SPICE1: variants seen among roughly 807,000 people sequenced by gnomAD.
SPICE1 encodes spindle and centriole associated protein 1.
A neutral mutation model predicts 102.7 loss-of-function variants in SPICE1; 75 were observed. That is an observed-to-expected ratio of 0.73 (90% CI 0.61 to 0.88). The LOEUF (loss-of-function observed/expected upper bound fraction) is 0.88, where lower values mean the gene tolerates loss of function less well. Among genes scored for constraint, SPICE1 ranks in the 40% least tolerant of loss-of-function variants. The probability of loss-of-function intolerance (pLI) is 0.00; values close to 1 mark genes in which losing one functional copy is unlikely to be tolerated. For missense variants in SPICE1, 979 were observed against 1,020.1 expected (o/e 0.96, Z 0.55); for synonymous variants, 308 against 350.3 (o/e 0.88, Z 1.35).
At chr3:113,457,827 T>G (rs1935815845) in intron 12 of SPICE1, among the ~76,000 whole-genome samples, 1 of 152,154 alleles carries the variant, frequency 6.6e-6, no homozygotes, top group South Asian at 2.1e-4. Flanking sequence ...CCCAGCTAAT[T>G]TTTTGTATTC....
At chr3:113,468,105 TGAAAA>T (rs3839081) in intron 10 of SPICE1, 29 bp downstream of exon 10, 36,140 of 1,570,024 alleles carry the variant, frequency 0.023, 518 homozygotes, top group East Asian at 0.063. Context: ...CATTTCTGCC[TGAAAA>T]GAAGACTCTA....
intron 16 of SPICE1, 34 bp downstream of exon 16, chr3:113,448,004 T>A (rs760151751): frequency 2.6e-6 from 4 of 1,551,976 alleles, no homozygotes. Flanking sequence ...TTTTTGATTT[T>A]TTTTTTTAAA....
Position 113,457,080 on chromosome 3 carries a change from T to C in SPICE1, c.1657+56A>G, listed in dbSNP as rs139038327. The C allele has an allele frequency of 2.0e-4, 297 of 1,520,240 alleles. No individual in the cohort carries two copies. In the East Asian group the frequency reaches 5.7e-3, roughly 29 times the overall value. The allele number at this position is 1,520,240 out of a possible 1,614,324, so 94.2% of individuals were successfully genotyped here. ...TTCATGTAATGGTGAAAGTAATACA[T>C]TGCACAAATGAAACATTAAAAAACA... On this transcript the variant is annotated intron_variant, in intron 13 of 17. Coordinates refer to ENST00000295872, the MANE Select transcript of SPICE1 (RefSeq NM_144718.4).
rs1372182493 is a variant in SPICE1, at chr3:113,453,950, A to G, written c.1658T>C (p.Val553Ala). The G allele has an allele frequency of 6.3e-7, 1 of 1,588,698 alleles. No individual in the cohort carries two copies. The highest frequency in any genetic ancestry group is 1.1e-5 in the South Asian group (1 of 87,386). The change falls in exon 14 of 18, where the codon GTA (valine) becomes GCA (alanine). Residue 553 changes from valine (V) to alanine (A), a missense_variant and splice_region_variant. Coordinates refer to ENST00000295872, the MANE Select transcript of SPICE1 (RefSeq NM_144718.4). ...SNLKFSPLQD[V>A]LRRTVQTRPA... is the part of the protein sequence containing the mutation. Reference sequence around the variant, plus strand: ...ACGAGTTTGAACAGTCCTTCTCAATACTATAGATAAGAATTTAAAAATAAC... The same window carrying G: ...ACGAGTTTGAACAGTCCTTCTCAATGCTATAGATAAGAATTTAAAAATAAC...
chr3:113,506,884 G>A (rs761525240), intron 1 of SPICE1, among the ~76,000 whole-genome samples: 3 of 152,158 alleles, frequency 2.0e-5, no homozygotes, highest in Admixed American at 6.5e-5. Flanking sequence ...GCCTAAAGCC[G>A]AGAACTAAGA....
chr3:113,467,464 G>A (rs1422698369), intron 10 of SPICE1, among the ~76,000 whole-genome samples: 1 of 152,002 alleles, frequency 6.6e-6, no homozygotes, highest in Non-Finnish European at 1.5e-5. Flanking sequence ...ACTAATTTTT[G>A]TATTTTTAGT....
intron 7 of SPICE1, among the ~76,000 whole-genome samples, chr3:113,481,405 T>C (rs1559968261): frequency 6.6e-6 from 1 of 151,632 alleles, no homozygotes; most frequent in Admixed American, 6.6e-5. Context: ...AGTAGACTTT[T>C]TTTTTTCTAG....
chr3:113,457,318 A>G lies in SPICE1; in HGVS notation c.1475T>C (p.Met492Thr). Residue 492 changes from methionine (M) to threonine (T), a missense_variant, in exon 13 of 18, where the codon ATG (methionine) becomes ACG (threonine). Coordinates refer to ENST00000295872, the MANE Select transcript of SPICE1 (RefSeq NM_144718.4). Reference protein sequence around the residue: ...VVNANVSVPLMFREEVAEFPQ... With the variant: ...VVNANVSVPLTFREEVAEFPQ... ...GAATTCAGCCACTTCCTCTCTGAAC[A>G]TCAATGGCACTGAGACATTGGCATT... 1.2e-6 allele frequency: 2 copies of G among 1,614,226 alleles called. No homozygotes were observed. Among genetic ancestry groups the G allele is most frequent in the Non-Finnish European group, 1.7e-6 (2 of 1,180,036 alleles).
At chr3:113,460,107 G>A in intron 12 of SPICE1, 1 of 985,386 alleles carries the variant, frequency 1.0e-6, no homozygotes, top group Non-Finnish European at 1.2e-6. Context: ...TCAGCCTATA[G>A]CATATGATGG....
chr3:113,469,135 T>C lies in SPICE1; in HGVS notation c.715A>G (p.Thr239Ala). 6.2e-7 allele frequency: 1 copy of C among 1,613,802 alleles called. No individual in the cohort carries two copies. Among genetic ancestry groups the C allele is most frequent in the Non-Finnish European group, 8.5e-7 (1 of 1,179,868 alleles). The change falls in exon 8 of 18, where the codon ACG becomes GCG. Residue 239 changes from threonine (T) to alanine (A), a missense_variant. Coordinates refer to ENST00000295872, the MANE Select transcript of SPICE1 (RefSeq NM_144718.4). ...ATQSQITPPG[T>A]PSSALSSGEQ... ...CCTGATGAAAGAGCAGATGATGGCG[T>C]TCCTGGAGGAGTTATTTGTGACTGG...
intron 7 of SPICE1, among the ~76,000 whole-genome samples, chr3:113,472,264 TA>T (rs1430767763): frequency 6.6e-6 from 1 of 152,110 alleles, no homozygotes; most frequent in Admixed American, 6.5e-5. Context: ...CTTGCTTAGG[TA>T]AACAAAGCAG....
chr3:113,485,172 G>GTTTTTT (rs1346426484), intron 7 of SPICE1, among the ~76,000 whole-genome samples: 1 of 147,246 alleles, frequency 6.8e-6, no homozygotes, highest in Non-Finnish European at 1.5e-5. Context: ...CAGGAGTTTT[G>GTTTTTT]TTTGTTTTTT....
At chr3:113,468,546 C>T (rs1936118473) in intron 9 of SPICE1, 142 bp from the exon 10 acceptor site, 3 of 1,135,292 alleles carry the variant, frequency 2.6e-6, no homozygotes, top group Non-Finnish European at 3.7e-6. Flanking sequence ...AAAAATTAAA[C>T]AGTTTAAACC....
chr3:113,513,489 T>A (rs200724027), intron 1 of SPICE1, among the ~76,000 whole-genome samples: 15,416 of 152,082 alleles, frequency 0.1, 968 homozygotes, highest in Non-Finnish European at 0.15. Flanking sequence ...CTCCCAAATA[T>A]CACAAATACA....
intron 7 of SPICE1, among the ~76,000 whole-genome samples, chr3:113,474,114 A>G (rs1278805971): frequency 6.6e-6 from 1 of 151,568 alleles, no homozygotes; most frequent in Non-Finnish European, 1.5e-5. Flanking sequence ...AATGGAAAAC[A>G]AAAAAAGGCA....
intron 7 of SPICE1, among the ~76,000 whole-genome samples, chr3:113,484,208 T>C (rs1016488204): frequency 6.6e-6 from 1 of 152,228 alleles, no homozygotes; most frequent in African/African-American, 2.4e-5. Context: ...AGTTTGTATT[T>C]CTGTGGGATC....
chr3:113,473,292 G>A (rs1162545406), intron 7 of SPICE1, among the ~76,000 whole-genome samples: 1 of 152,146 alleles, frequency 6.6e-6, no homozygotes, highest in East Asian at 1.9e-4. Flanking sequence ...TATGTGAAAA[G>A]ACCAAATCTA....
chr3:113,473,505 T>C (rs1576632413), intron 7 of SPICE1, among the ~76,000 whole-genome samples: 1 of 151,200 alleles, frequency 6.6e-6, no homozygotes, highest in African/African-American at 2.4e-5. Context: ...AAAGTGGAAA[T>C]GAAAGAAAAA....
intron 1 of SPICE1, chr3:113,514,299 C>T (rs2107514424): frequency 4.5e-6 from 1 of 220,422 alleles, no homozygotes; most frequent in East Asian, 1.4e-4. Context: ...AGTAAATCCA[C>T]TCTGACTGGT....
Sources: gnomAD v4.1 joint callset for allele counts (sites outside exome capture counted in the v4.1 genomes callset) on GRCh38, gnomAD v4.1.1 for gene constraint, MANE v1.5 for transcripts, NCBI Gene and HGNC (gene_info 2026-07-23, HGNC 2026-07-21) for gene names.